Variants in SPATA21 observed in about 807,000 individuals in gnomAD.
SPATA21 encodes spermatogenesis-associated protein 21.
In SPATA21, 47 loss-of-function variants were observed where a neutral mutation model predicts 54.8. The observed-to-expected ratio is 0.86, with a 90% CI of 0.68 to 1.09. The LOEUF is 1.09. Ranked by LOEUF, SPATA21 falls within the 50% of genes least tolerant of loss-of-function variation. The pLI, the probability that SPATA21 is intolerant of heterozygous loss-of-function variation, is 0.00. For synonymous variants in SPATA21, 245 were observed against 235.3 expected (o/e 1.04, Z -0.38); for missense variants, 599 against 596.4 (o/e 1.00, Z -0.05).
In SPATA21 at chr1:16,409,621, G is replaced by C; in HGVS notation, c.567C>G (p.Thr189=). Residue 189 remains threonine, a synonymous_variant, in exon 6 of 13, where the codon ACC becomes ACG. Transcript: ENST00000335496. This position sits in a 1 kb window ranked among gnomAD's most constrained non-coding sequence, Gnocchi z 4.1. ...MELLHQSSER[T]LSYAKARQEP... is the part of the protein sequence containing the mutation. Reference sequence around the variant, plus strand: ...CCTACCGCGCCTTGGCGTAGCTCAGGGTTCTCTCGCTGCTCTGGTGCAAGA... The same window carrying C: ...CCTACCGCGCCTTGGCGTAGCTCAGCGTTCTCTCGCTGCTCTGGTGCAAGA... 1 of 1,612,404 alleles carries C rather than the reference G, an allele frequency of 6.2e-7. No individual in the cohort carries two copies. Among genetic ancestry groups the C allele is most frequent in the Non-Finnish European group, 8.5e-7 (1 of 1,179,938 alleles).
Position 16,428,090 on chromosome 1 carries a change from C to T in SPATA21, c.34+3248G>A. On this transcript the variant is annotated intron_variant, in intron 3 of 12. Coordinates refer to ENST00000335496, the MANE Select transcript of SPATA21 (RefSeq NM_198546.1). This position sits in a 1 kb window ranked among gnomAD's most constrained non-coding sequence, Gnocchi z 4.3. ...CGTTCTGGAGTGATCCCTCCCACTC[C>T]TCCCTGGGTACTCTTCTGGCCTCAA... The T allele has an allele frequency of 4.7e-6, 7 of 1,485,782 alleles. No individual in the cohort carries two copies. The highest frequency in any genetic ancestry group is 6.3e-6 in the Non-Finnish European group (7 of 1,104,816). 92.0% of individuals were successfully genotyped at this position (1,485,782 alleles called of 1,614,324 possible). A position where few individuals can be genotyped will look rare whatever the true frequency, so the allele number is the denominator to read the frequency against.
chr1:16,398,513 T>C, downstream of SPATA21: 1 of 512,346 alleles, frequency 2.0e-6, no homozygotes, highest in Non-Finnish European at 3.6e-6. Flanking sequence ...AGGTCAAGAC[T>C]GCACGCAGGG....
intron 7 of SPATA21, among the ~76,000 whole-genome samples, chr1:16,406,662 A>T (rs2085651722): frequency 6.6e-6 from 1 of 152,192 alleles, no homozygotes; most frequent in Admixed American, 6.6e-5. Context: ...GGATTACTTG[A>T]TCCCCGAAGG....
chr1:16,433,913 G>T (rs1246109057), intron 1 of SPATA21, among the ~76,000 whole-genome samples: 2 of 152,054 alleles, frequency 1.3e-5, no homozygotes, highest in African/African-American at 2.4e-5. Flanking sequence ...CGGCTTTTAG[G>T]ATATTCACAG....
At chr1:16,417,438 CTTTTT>C (rs550527293) in intron 5 of SPATA21, among the ~76,000 whole-genome samples, 1 of 124,778 alleles carries the variant, frequency 8.0e-6, no homozygotes, top group Admixed American at 8.2e-5. Flanking sequence ...TTTTTGTGGG[CTTTTT>C]TTTTTTTTTT....
intron 5 of SPATA21, among the ~76,000 whole-genome samples, chr1:16,413,284 C>T (rs1381644007): frequency 6.6e-6 from 1 of 152,218 alleles, no homozygotes; most frequent in Non-Finnish European, 1.5e-5. Flanking sequence ...CTTTTTGTGA[C>T]TGGCTTATTT....
chr1:16,427,721 G>T (rs1381867244), intron 3 of SPATA21: 6 of 827,298 alleles, frequency 7.3e-6, no homozygotes, highest in South Asian at 2.1e-5. Flanking sequence ...TAGTGCAACT[G>T]GTGCAATGAA....
intron 10 of SPATA21, among the ~76,000 whole-genome samples, chr1:16,401,557 A>G (rs952806568): frequency 3.3e-5 from 5 of 152,150 alleles, no homozygotes; most frequent in Admixed American, 2.6e-4. Context: ...TGGCCTCCCA[A>G]AGTGTTGGGA....
intron 5 of SPATA21, among the ~76,000 whole-genome samples, chr1:16,411,518 A>G (rs962766738): frequency 6.6e-6 from 1 of 151,900 alleles, no homozygotes; most frequent in Non-Finnish European, 1.5e-5. Flanking sequence ...AGGCCAGGCA[A>G]GGTGGCTCAC....
intron 3 of SPATA21, 66 bp from the exon 4 acceptor site, chr1:16,422,037 G>C: frequency 6.2e-7 from 1 of 1,613,078 alleles, no homozygotes; most frequent in South Asian, 1.1e-5. Flanking sequence ...CCCTGGGCTG[G>C]GCTCTGGCGG....
In SPATA21 at chr1:16,403,328, G is replaced by A. The variant is rs1325887165; in HGVS notation, c.1001+399C>T. Among the ~76,000 whole-genome samples, 3 of 152,274 alleles carry A rather than the reference G, an allele frequency of 2.0e-5. 1 individual carries two copies. In the East Asian group the frequency reaches 5.8e-4, roughly 29 times the overall value. ...CCCTCTGTAGGGAGAGCCTAGCTGA[G>A]CTCAAAGCCAGTGCGCACAGACATG... is the stretch of plus-strand genomic sequence containing the variant. On this transcript the variant is annotated intron_variant, in intron 10 of 12. Transcript: ENST00000335496.
At chr1:16,422,034 C>A (rs2086187845) in intron 3 of SPATA21, 63 bp from the exon 4 acceptor site, 1 of 1,613,090 alleles carries the variant, frequency 6.2e-7, no homozygotes, top group Admixed American at 1.7e-5. Context: ...TCCCCCTGGG[C>A]TGGGCTCTGG....
At chr1:16,399,569 C>T in intron 11 of SPATA21, 48 bp from the exon 12 acceptor site, 1 of 1,575,078 alleles carries the variant, frequency 6.3e-7, no homozygotes. Flanking sequence ...GCATGCCCAG[C>T]CTTGGGAAGC....
At chr1:16,404,742 C>A (rs536120778) in intron 8 of SPATA21, among the ~76,000 whole-genome samples, 1 of 152,102 alleles carries the variant, frequency 6.6e-6, no homozygotes, top group South Asian at 2.1e-4. Context: ...CCTAGGAGGT[C>A]GAGGCTGTGG....
chr1:16,406,539 C>T (rs1045485823), intron 7 of SPATA21, among the ~76,000 whole-genome samples: 4 of 152,012 alleles, frequency 2.6e-5, no homozygotes, highest in African/African-American at 4.8e-5. Context: ...TCTGGGAGTC[C>T]GAGAACAGCC....
At chr1:16,405,510 A>AC (rs1478825387) in intron 7 of SPATA21, among the ~76,000 whole-genome samples, 9 of 150,008 alleles carry the variant, frequency 6.0e-5, no homozygotes, top group Non-Finnish European at 1.3e-4. Flanking sequence ...AAAAAAAAAA[A>AC]AAAAACTGGG....
Position 16,428,151 on chromosome 1 carries a change from T to C in SPATA21, c.34+3187A>G. The C allele has an allele frequency of 8.2e-7, 1 of 1,217,280 alleles. No individual in the cohort carries two copies. The highest frequency in any genetic ancestry group is 1.1e-6 in the Non-Finnish European group (1 of 899,832). The allele number at this position is 1,217,280 out of a possible 1,614,324, so 75.4% of individuals were successfully genotyped here. A position where few individuals can be genotyped will look rare whatever the true frequency, so the allele number is the denominator to read the frequency against. On this transcript the variant is annotated intron_variant, in intron 3 of 12. Coordinates refer to ENST00000335496, the MANE Select transcript of SPATA21 (RefSeq NM_198546.1). This position sits in a 1 kb window ranked among gnomAD's most constrained non-coding sequence, Gnocchi z 4.3. ...ATCCTGTGCCTGATTGGGGAAGCTGTTGGAGAGGGGTGAGCAGGAGCTGAG... is the reference window on the plus strand; with the variant it reads ...ATCCTGTGCCTGATTGGGGAAGCTGCTGGAGAGGGGTGAGCAGGAGCTGAG...
rs568871574 is a variant in SPATA21, at chr1:16,432,126, T to C, written c.-52+664A>G. 8.7e-5 allele frequency among the ~76,000 whole-genome samples: 13 copies of C among 148,900 alleles called. No individual in the cohort carries two copies. In the South Asian group the frequency reaches 2.8e-3, roughly 32 times the overall value. On this transcript the variant is annotated intron_variant, in intron 2 of 12. Coordinates refer to ENST00000335496, the MANE Select transcript of SPATA21 (RefSeq NM_198546.1). ...TCTTCTTCTTCTTCTTTTTTTTTTT[T>C]TTTTGTTTGTTTTGAGACAGAGTCT...
chr1:16,422,867 A>G (rs1355172907), intron 3 of SPATA21, among the ~76,000 whole-genome samples: 1 of 152,068 alleles, frequency 6.6e-6, no homozygotes, highest in African/African-American at 2.4e-5. Context: ...GCCTCCTTAA[A>G]AAGAGGAGGT....
Sources: allele counts gnomAD v4.1 joint callset (sites outside exome capture counted in the v4.1 genomes callset), GRCh38; gene constraint gnomAD v4.1.1; non-coding constraint Gnocchi (gnomAD v3.1); transcripts MANE v1.5; gene names NCBI Gene and HGNC (gene_info 2026-07-23, HGNC 2026-07-21).